The following IGF2BP2 variants were observed in gnomAD, a reference collection of about 807,000 sequenced individuals.
The protein encoded by IGF2BP2 is insulin-like growth factor 2 mRNA-binding protein 2.
In IGF2BP2, 17 loss-of-function variants were observed where a neutral mutation model predicts 75.8. The ratio of observed to expected loss-of-function variants is 0.22; its 90% CI spans 0.15 to 0.34. The LOEUF (loss-of-function observed/expected upper bound fraction) is 0.34. Among genes scored for constraint, IGF2BP2 ranks in the 10% least tolerant of loss-of-function variants. The pLI is 1.00. For missense variants in IGF2BP2, 516 were observed against 772.4 expected, an observed-to-expected ratio of 0.67 and a Z score of 3.93; for synonymous variants, 288 against 295.6, an observed-to-expected ratio of 0.97 and a Z score of 0.26.
intron 7 of IGF2BP2, among the ~76,000 whole-genome samples, chr3:185,677,105 A>AGAGAGAGATG (rs1354067656): frequency 7.2e-6 from 1 of 138,422 alleles, no homozygotes; most frequent in Non-Finnish European, 1.6e-5. Context: ...AGAGAGAGAG[A>AGAGAGAGATG]GATGTATATA....
intron 2 of IGF2BP2, among the ~76,000 whole-genome samples, chr3:185,740,141 C>G (rs1021925362): frequency 2.6e-5 from 4 of 152,094 alleles, no homozygotes; most frequent in African/African-American, 9.7e-5. Flanking sequence ...AGCCACCATA[C>G]CCGGCCTTTT....
At chr3:185,680,044 C>G (rs1167107642) in intron 7 of IGF2BP2, among the ~76,000 whole-genome samples, 1 of 151,836 alleles carries the variant, frequency 6.6e-6, no homozygotes, top group Non-Finnish European at 1.5e-5. Context: ...AAAAGATCAA[C>G]CAAACTGACA....
At chr3:185,680,763 G>T (rs1047019217) in intron 7 of IGF2BP2, among the ~76,000 whole-genome samples, 1 of 152,086 alleles carries the variant, frequency 6.6e-6, no homozygotes, top group Non-Finnish European at 1.5e-5. Context: ...GGGAAACGTA[G>T]TGAGACCCCA....
At chr3:185,707,369 G>C (rs1297710862) in intron 2 of IGF2BP2, among the ~76,000 whole-genome samples, 1 of 125,116 alleles carries the variant, frequency 8.0e-6, no homozygotes, top group East Asian at 2.6e-4. Flanking sequence ...GGGCACTGGC[G>C]CAATCTTGGC....
chr3:185,698,952 T>A (rs1253630584), intron 2 of IGF2BP2, among the ~76,000 whole-genome samples: 3 of 152,160 alleles, frequency 2.0e-5, no homozygotes, highest in East Asian at 3.8e-4. Context: ...GTAGCTGGGA[T>A]TACAGGCATG....
In IGF2BP2 at chr3:185,646,857, T is replaced by A; in HGVS notation, c.1707+168A>T. 5 of 616,928 alleles carry A rather than the reference T, an allele frequency of 8.1e-6. 1 individual carries two copies. In the South Asian group the frequency reaches 9.6e-5, roughly 12 times the overall value. The allele number at this position is 616,928 out of a possible 1,614,324, so 38.2% of individuals were successfully genotyped here. ...CAGTGGAGAGAAGTGTGAAACAATG[T>A]CCCCTGCCCCGGGGGCCATCCCTAA... On this transcript the variant is annotated intron_variant, in intron 15 of 15. Coordinates refer to ENST00000382199, the MANE Select transcript of IGF2BP2 (RefSeq NM_006548.6).
intron 12 of IGF2BP2, among the ~76,000 whole-genome samples, chr3:185,656,045 A>C (rs894093691): frequency 2.0e-5 from 3 of 152,254 alleles, no homozygotes; most frequent in Admixed American, 6.5e-5. Context: ...TCTGCTGAAC[A>C]AGACGGGGAT....
chr3:185,741,121 C>T (rs1729497377), intron 2 of IGF2BP2, among the ~76,000 whole-genome samples: 1 of 152,170 alleles, frequency 6.6e-6, no homozygotes, highest in Admixed American at 6.5e-5. Flanking sequence ...GATCCACCAG[C>T]CTCGGCCTCC....
At chr3:185,778,382 A>G (rs1256875879) in intron 2 of IGF2BP2, among the ~76,000 whole-genome samples, 2 of 152,216 alleles carry the variant, frequency 1.3e-5, no homozygotes, top group Non-Finnish European at 2.9e-5. Flanking sequence ...GACAGGGAGA[A>G]TGTGCAAATT....
chr3:185,750,186 C>T (rs1730778856), intron 2 of IGF2BP2, among the ~76,000 whole-genome samples: 3 of 152,150 alleles, frequency 2.0e-5, no homozygotes, highest in Non-Finnish European at 4.4e-5. Context: ...CCTGGCTTAT[C>T]TATTATGTAG....
chr3:185,700,667 C>G (rs1723165279), intron 2 of IGF2BP2, among the ~76,000 whole-genome samples: 2 of 152,048 alleles, frequency 1.3e-5, no homozygotes, highest in African/African-American at 4.8e-5. Flanking sequence ...TTTCCAAATA[C>G]AAACATTGAC....
At chr3:185,746,604 C>T (rs1002054177) in intron 2 of IGF2BP2, among the ~76,000 whole-genome samples, 2 of 152,134 alleles carry the variant, frequency 1.3e-5, no homozygotes, top group African/African-American at 4.8e-5. Flanking sequence ...GTAGGAGACA[C>T]CATTTAACTT....
Position 185,647,713 on chromosome 3 carries a change from G to A in IGF2BP2, c.1594-575C>T, listed in dbSNP as rs970975719. On this transcript the variant is annotated intron_variant, in intron 14 of 15. Coordinates refer to ENST00000382199, the MANE Select transcript of IGF2BP2 (RefSeq NM_006548.6). The surrounding 1 kb of genome is among the most constrained non-coding windows in gnomAD (Gnocchi z 4.9). The stretch of plus-strand genomic sequence containing the variant: ...CACCTCCATGAAGCCTCCAGCCCAT[G>A]CTGAGCTCCTCGTGTCTCCAACCAC... 3.9e-5 allele frequency among the ~76,000 whole-genome samples: 6 copies of A among 152,196 alleles called. No homozygotes were observed. Among genetic ancestry groups the A allele is most frequent in the Admixed American group, 2.0e-4 (3 of 15,286 alleles).
chr3:185,721,086 G>A (rs76890636), intron 2 of IGF2BP2, among the ~76,000 whole-genome samples: 120 of 152,286 alleles, frequency 7.9e-4, no homozygotes, highest in African/African-American at 2.7e-3. Context: ...AGAGTAAGAA[G>A]CCCCAGGCGT....
At chr3:185,700,554 T>C (rs996644137) in intron 2 of IGF2BP2, among the ~76,000 whole-genome samples, 2 of 152,228 alleles carry the variant, frequency 1.3e-5, no homozygotes, top group Admixed American at 6.5e-5. Context: ...AGTGGCTACA[T>C]GGAAATTCTC....
chr3:185,653,733 A>G (rs1007411899), intron 12 of IGF2BP2, among the ~76,000 whole-genome samples: 7 of 152,238 alleles, frequency 4.6e-5, no homozygotes, highest in African/African-American at 1.7e-4. Context: ...GGTTGGCCAC[A>G]GATGCAGTTC....
At chr3:185,694,551 G>A (rs900393346) in intron 4 of IGF2BP2, among the ~76,000 whole-genome samples, 1 of 152,164 alleles carries the variant, frequency 6.6e-6, no homozygotes, top group African/African-American at 2.4e-5. Context: ...TGCTGAATCA[G>A]GAATCACTCA....
chr3:185,742,090 G>A (rs1729627990), intron 2 of IGF2BP2, among the ~76,000 whole-genome samples: 1 of 151,652 alleles, frequency 6.6e-6, no homozygotes, highest in South Asian at 2.1e-4. Flanking sequence ...GGTAAAATGT[G>A]CATATATTAA....
intron 2 of IGF2BP2, chr3:185,729,851 T>C (rs1727900860): frequency 6.6e-6 from 1 of 152,214 alleles, no homozygotes; most frequent in Admixed American, 6.5e-5. Context: ...TGCATCAGAT[T>C]GAGTGCAGAG....
Sources: gnomAD v4.1 joint callset for allele counts (sites outside exome capture counted in the v4.1 genomes callset) on GRCh38, gnomAD v4.1.1 for gene constraint, Gnocchi (gnomAD v3.1) non-coding constraint, MANE v1.5 for transcripts, NCBI Gene and HGNC (gene_info 2026-07-23, HGNC 2026-07-21) for gene names.